DAB2IP: variants seen among roughly 807,000 people sequenced by gnomAD.
DAB2IP encodes DAB2 interacting protein.
Under a neutral mutation model 107.2 loss-of-function variants are expected in DAB2IP, and 28 were observed. The observed-to-expected ratio is 0.26, with a 90% CI of 0.19 to 0.36. DAB2IP has a LOEUF of 0.36. Among genes scored for constraint, DAB2IP ranks in the 10% least tolerant of loss-of-function variants. The pLI, the probability that DAB2IP is intolerant of heterozygous loss-of-function variation, is 1.00. For missense variants in DAB2IP, 1,400 were observed against 1,644.7 expected (o/e 0.85, Z 2.57); for synonymous variants, 755 against 706.4 (o/e 1.07, Z -1.09).
chr9:121,708,489 G>T (rs935720117), intron 3 of DAB2IP, among the ~76,000 whole-genome samples: 4 of 152,200 alleles, frequency 2.6e-5, no homozygotes, highest in African/African-American at 4.8e-5. Flanking sequence ...TCTCCTGAGG[G>T]TGCTTGGAAC....
At chr9:121,783,197 C>A in exon 16 of DAB2IP, 1 of 1,152,110 alleles carries the variant, frequency 8.7e-7, no homozygotes, top group Non-Finnish European at 1.1e-6. Flanking sequence ...GTTGTATTGC[C>A]AGATAGACCC....
intron 3 of DAB2IP, among the ~76,000 whole-genome samples, chr9:121,725,571 T>C (rs1831195846): frequency 6.6e-6 from 1 of 152,202 alleles, no homozygotes; most frequent in African/African-American, 2.4e-5. Context: ...CCTCAAGGGC[T>C]CCTGCTGTCT....
intron 3 of DAB2IP, among the ~76,000 whole-genome samples, chr9:121,756,738 C>T (rs1208197233): frequency 6.6e-6 from 1 of 152,246 alleles, no homozygotes; most frequent in East Asian, 1.9e-4. Context: ...CCCGCAGGCT[C>T]ACTTGCAAAT....
At chr9:121,690,501 G>A (rs1361868906) in intron 2 of DAB2IP, among the ~76,000 whole-genome samples, 1 of 152,172 alleles carries the variant, frequency 6.6e-6, no homozygotes, top group Non-Finnish European at 1.5e-5. Flanking sequence ...AGACCTCTGG[G>A]ACAGGCTTAT....
At chr9:121,779,167 A>T (rs1395712891) in intron 14 of DAB2IP, among the ~76,000 whole-genome samples, 1 of 151,964 alleles carries the variant, frequency 6.6e-6, no homozygotes. Flanking sequence ...ACCTGCTATT[A>T]ATCTGATCCA....
chr9:121,580,826 C>T (rs886748467), intron 1 of DAB2IP, among the ~76,000 whole-genome samples: 4 of 152,242 alleles, frequency 2.6e-5, no homozygotes, highest in East Asian at 1.9e-4. Context: ...GGGGTTTCAC[C>T]GTGTTAGCCA....
chr9:121,668,132 A>C (rs1833524646), intron 1 of DAB2IP, among the ~76,000 whole-genome samples: 1 of 152,068 alleles, frequency 6.6e-6, no homozygotes, highest in African/African-American at 2.4e-5. Flanking sequence ...ATGGGAGTAC[A>C]ATTCAAGATG....
rs1835208550 is a variant in DAB2IP, at chr9:121,776,468, CG to C, written c.3314+81del. 1 of 1,406,530 alleles carries C rather than the reference CG, an allele frequency of 7.1e-7. No individual in the cohort carries two copies. Among genetic ancestry groups the C allele is most frequent in the Non-Finnish European group, 9.4e-7 (1 of 1,060,426 alleles). 87.1% of individuals were successfully genotyped at this position (1,406,530 alleles called of 1,614,324 possible). ...CGCTGCCTTCGAGGAGGCCCCTGGT[CG>C]GGGAGCCTCCTCAAAGGATAAGCTG... On this transcript the variant is annotated intron_variant, in intron 14 of 15. Transcript: ENST00000408936. This position sits in a 1 kb window ranked among gnomAD's most constrained non-coding sequence, Gnocchi z 5.4.
Position 121,770,744 on chromosome 9 carries a change from TTGGGTGTGG to T in DAB2IP, c.2078+27_2078+35del, listed in dbSNP as rs773415413. 6.2e-7 allele frequency: 1 copy of T among 1,612,040 alleles called. No homozygotes were observed. On this transcript the variant is annotated intron_variant, in intron 11 of 15. Coordinates refer to ENST00000408936, the Ensembl canonical transcript of DAB2IP. ...TTCCGGGTAAGAGCTGCCAGCCATG[TTGGGTGTGG>T]TGGGTGCGTGTGCAGACTAGGCACA...
intron 3 of DAB2IP, among the ~76,000 whole-genome samples, chr9:121,731,813 T>C (rs1831558398): frequency 6.6e-6 from 1 of 152,034 alleles, no homozygotes. Context: ...TACCCCACGA[T>C]ATTATTGCTG....
chr9:121,639,395 G>T (rs1159909843), intron 1 of DAB2IP, among the ~76,000 whole-genome samples: 1 of 152,230 alleles, frequency 6.6e-6, no homozygotes, highest in Non-Finnish European at 1.5e-5. Flanking sequence ...CCTCAGATGG[G>T]ACCGTGTCCC....
At chr9:121,722,678 A>G (rs1476952611) in intron 3 of DAB2IP, among the ~76,000 whole-genome samples, 1 of 151,430 alleles carries the variant, frequency 6.6e-6, no homozygotes, top group Non-Finnish European at 1.5e-5. Flanking sequence ...TCATAGGGGG[A>G]GTGACAGACA....
At chr9:121,603,522 G>A (rs1830761274) in intron 1 of DAB2IP, among the ~76,000 whole-genome samples, 1 of 152,158 alleles carries the variant, frequency 6.6e-6, no homozygotes, top group Non-Finnish European at 1.5e-5. Flanking sequence ...GGGAGGGAGC[G>A]GTGATAAGAG....
intron 3 of DAB2IP, among the ~76,000 whole-genome samples, chr9:121,753,752 C>G (rs566200304): frequency 6.6e-6 from 1 of 152,324 alleles, no homozygotes; most frequent in Admixed American, 6.5e-5. Flanking sequence ...AGGTGGGTGC[C>G]TACAGGCATC....
At chr9:121,583,310 G>A (rs1421982607) in intron 1 of DAB2IP, among the ~76,000 whole-genome samples, 1 of 152,186 alleles carries the variant, frequency 6.6e-6, no homozygotes, top group Non-Finnish European at 1.5e-5. Context: ...AGAATTGCTT[G>A]AACCTGGGAA....
intron 3 of DAB2IP, chr9:121,751,984 T>C: frequency 1.0e-6 from 1 of 985,318 alleles, no homozygotes; most frequent in Non-Finnish European, 1.2e-6. Context: ...GGAGGACAGG[T>C]AAAGGGTCTC....
At chr9:121,682,127 G>C (rs753308753) in intron 2 of DAB2IP, among the ~76,000 whole-genome samples, 1 of 152,144 alleles carries the variant, frequency 6.6e-6, no homozygotes. Flanking sequence ...CCCTGTGCAG[G>C]GCCAGAAGCA....
chr9:121,680,995 G>A (rs894288590), intron 2 of DAB2IP, among the ~76,000 whole-genome samples: 3 of 151,910 alleles, frequency 2.0e-5, no homozygotes, highest in African/African-American at 7.3e-5. Flanking sequence ...CTACCACCTC[G>A]GCCTCTCAAA....
rs1038568424 is a variant in DAB2IP, at chr9:121,760,882, C to T, written c.1170+443C>T. ...CCCAGCACGATGCACAGATGAGCCT[C>T]CCTCACAGCTCTACCTCACCCCACA... On this transcript the variant is annotated intron_variant, in intron 6 of 15. Coordinates refer to ENST00000408936, the Ensembl canonical transcript of DAB2IP. This position sits in a 1 kb window ranked among gnomAD's most constrained non-coding sequence, Gnocchi z 5.9. Among the ~76,000 whole-genome samples the T allele has an allele frequency of 6.6e-6, 1 of 152,198 alleles. No individual in the cohort carries two copies. The highest frequency in any genetic ancestry group is 1.5e-5 in the Non-Finnish European group (1 of 68,036).
Sources: allele counts gnomAD v4.1 joint callset (sites outside exome capture counted in the v4.1 genomes callset), GRCh38; gene constraint gnomAD v4.1.1; non-coding constraint Gnocchi (gnomAD v3.1); transcripts MANE v1.5; gene names NCBI Gene and HGNC (gene_info 2026-07-23, HGNC 2026-07-21).